RYR1: variants seen among roughly 807,000 people sequenced by gnomAD.
RYR1 encodes ryanodine receptor 1, also known as central core disease of muscle.
RYR1 carries 342 observed loss-of-function variants against 583.5 expected under a neutral mutation model. That is an observed-to-expected ratio of 0.59 (90% CI 0.54 to 0.64). The LOEUF is 0.64. Among genes scored for constraint, RYR1 ranks in the 30% least tolerant of loss-of-function variants. The pLI is 0.00. For missense variants in RYR1, 6,032 were observed against 6,917.2 expected (o/e 0.87, Z 4.54); for synonymous variants, 2,791 against 2,822.5 (o/e 0.99, Z 0.35).
rs753008033 is a variant in RYR1, at chr19:38,468,048, TCATC to T, written c.3381+279_3381+282del. 0.022 allele frequency among the ~76,000 whole-genome samples: 1,501 copies of T among 67,554 alleles called. 29 individuals are homozygous for T. Among genetic ancestry groups the T allele is most frequent in the African/African-American group, 0.064 (1,234 of 19,360 alleles). 44.3% of individuals were successfully genotyped at this position (67,554 alleles called of 152,430 possible). On this transcript the variant is annotated intron_variant, in intron 25 of 105. Coordinates refer to ENST00000359596, the MANE Select transcript of RYR1 (RefSeq NM_000540.3). ...ATTCATCCATCCATCCATCCATCCA[TCATC>T]CATCCATCCATCCATCCATCCATCC...
rs768065730 is a variant in RYR1, at chr19:38,527,704, C to T, written c.10744C>T (p.Arg3582Cys). 2 of 1,614,052 alleles carry T rather than the reference C, an allele frequency of 1.2e-6. No homozygotes were observed. The highest frequency in any genetic ancestry group is 1.1e-5 in the South Asian group (1 of 91,052). Residue 3582 changes from arginine to cysteine, a missense_variant, in exon 73 of 106, where the codon CGC (arginine) becomes TGC (cysteine). By Grantham distance (180) the Arg-to-Cys change is radical (BLOSUM62 -3). This residue lies in a region of RYR1 where 1,493 missense variants were observed against 1,715.5 expected (regional missense o/e 0.87). Coordinates refer to ENST00000359596, the MANE Select transcript of RYR1 (RefSeq NM_000540.3). Reference protein sequence around the residue: ...QMALYRGVPGREEDADDPEKI... With the variant: ...QMALYRGVPGCEEDADDPEKI... ...GGCTCTGTACCGGGGCGTCCCGGGT[C>T]GCGAGGAGGACGCCGATGACCCCGA...
chr19:38,523,301 A>G lies in RYR1; in HGVS notation c.10432A>G (p.Met3478Val). The change falls in exon 69 of 106, where the codon ATG becomes GTG. Residue 3478 changes from methionine (M) to valine (V), a missense_variant. By Grantham distance (21) the Met-to-Val change is conservative. This residue lies in a region of RYR1 where 1,493 missense variants were observed against 1,715.5 expected (regional missense o/e 0.87). Coordinates refer to ENST00000359596, the MANE Select transcript of RYR1 (RefSeq NM_000540.3). ...CCTGACTGCTGACAACAAAAGCAAA[A>G]TGGCTAAGGTCGGGGCTTGGTTCTG... ...SFLTADNKSKMAKAGDIQSGG... is the reference protein window; with the variant it reads ...SFLTADNKSKVAKAGDIQSGG... The G allele has an allele frequency of 6.2e-7, 1 of 1,614,104 alleles. No individual in the cohort carries two copies. Among genetic ancestry groups the G allele is most frequent in the Non-Finnish European group, 8.5e-7 (1 of 1,180,020 alleles).
chr19:38,577,523 A>G (rs1369026849), intron 97 of RYR1, among the ~76,000 whole-genome samples: 3 of 152,038 alleles, frequency 2.0e-5, no homozygotes, highest in Non-Finnish European at 4.4e-5. Context: ...TGGGCTGGGC[A>G]CGGTGGCTCA....
intron 31 of RYR1, among the ~76,000 whole-genome samples, chr19:38,478,940 A>G (rs1182130857): frequency 1.3e-5 from 2 of 152,094 alleles, no homozygotes. Context: ...GCTAAGTTTT[A>G]TGTTTTTAGT....
At position 38,478,488 on chromosome 19, in the gene RYR1, G is replaced by T; in HGVS notation, c.4508G>T (p.Gly1503Val). 1 of 1,614,148 alleles carries T rather than the reference G, an allele frequency of 6.2e-7. No homozygotes were observed. Among genetic ancestry groups the T allele is most frequent in the Non-Finnish European group, 8.5e-7 (1 of 1,180,032 alleles). The change falls in exon 31 of 106, where the codon GGG becomes GTG. Residue 1503 changes from glycine to valine, a missense_variant. By Grantham distance (109) the Gly-to-Val change is moderately radical. This residue lies in a region of RYR1 where 2,627 missense variants were observed against 2,961.3 expected (regional missense o/e 0.89). Coordinates refer to ENST00000359596, the MANE Select transcript of RYR1 (RefSeq NM_000540.3). ...TGGGGCGGAGACTTTGTGAGTCCCGGGCAGCAGGGCCGGATCAGCCACACG... is the reference window on the plus strand; with the variant it reads ...TGGGGCGGAGACTTTGTGAGTCCCGTGCAGCAGGGCCGGATCAGCCACACG... ...MVWGGDFVSP[G>V]QQGRISHTDL... is the part of the protein sequence containing the mutation.
rs987637427 is a variant in RYR1 at position 38,567,096 on chromosome 19, G to A, written c.13514+109G>A. On this transcript the variant is annotated intron_variant, in intron 92 of 105. Coordinates refer to ENST00000359596, the MANE Select transcript of RYR1 (RefSeq NM_000540.3). ...GCTGTCCTGGCCACCCTGTGTCCTCGGCATCACCCAGCCCAGACTCAGGCA... is the reference window on the plus strand; with the variant it reads ...GCTGTCCTGGCCACCCTGTGTCCTCAGCATCACCCAGCCCAGACTCAGGCA... The A allele has an allele frequency of 2.6e-5, 40 of 1,524,268 alleles. No individual in the cohort carries two copies. In the East Asian group the frequency reaches 7.4e-4, roughly 28 times the overall value. The allele number at this position is 1,524,268 out of a possible 1,614,324, so 94.4% of individuals were successfully genotyped here.
intron 64 of RYR1, 102 bp from the exon 65 acceptor site, chr19:38,515,985 C>T: frequency 7.1e-7 from 1 of 1,400,860 alleles, no homozygotes; most frequent in Non-Finnish European, 9.6e-7. Flanking sequence ...GCAGCTCTGT[C>T]CCAAAGGGTT....
intron 93 of RYR1, among the ~76,000 whole-genome samples, chr19:38,569,992 C>T (rs1321961454): frequency 2.0e-5 from 3 of 151,618 alleles, no homozygotes; most frequent in African/African-American, 7.3e-5. Context: ...GGTGAGACCC[C>T]GTCTCTACTG....
At chr19:38,579,163 G>T (rs1340867506) in intron 99 of RYR1, among the ~76,000 whole-genome samples, 1 of 151,460 alleles carries the variant, frequency 6.6e-6, no homozygotes, top group Non-Finnish European at 1.5e-5. Flanking sequence ...GCTCAGGCCT[G>T]TAATCCCAGC....
At position 38,483,655 on chromosome 19, in the gene RYR1, A is replaced by G. The variant is rs1969131341; in HGVS notation, c.4934+139A>G. ...GGAATCTCCAGACCTACCTCAGGGG[A>G]CTCGGGCTCAGCTCAGACATCCCCA... On this transcript the variant is annotated intron_variant, in intron 33 of 105. Coordinates refer to ENST00000359596, the MANE Select transcript of RYR1 (RefSeq NM_000540.3). The surrounding 1 kb of genome is among the most constrained non-coding windows in gnomAD (Gnocchi z 6.3). 5.4e-6 allele frequency: 4 copies of G among 746,648 alleles called. No homozygotes were observed. The highest frequency in any genetic ancestry group is 1.7e-5 in the South Asian group (1 of 59,284). 46.3% of individuals were successfully genotyped at this position (746,648 alleles called of 1,614,324 possible). A position where few individuals can be genotyped will look rare whatever the true frequency, so the allele number is the denominator to read the frequency against.
intron 55 of RYR1, 34 bp downstream of exon 55, chr19:38,506,411 G>T (rs755131919): frequency 5.6e-6 from 9 of 1,613,682 alleles, no homozygotes; most frequent in Non-Finnish European, 6.8e-6. Context: ...GGGACATAGG[G>T]TGTCTTTGGG....
At chr19:38,450,134 G>A (rs1157547678) in intron 11 of RYR1, among the ~76,000 whole-genome samples, 1 of 152,166 alleles carries the variant, frequency 6.6e-6, no homozygotes, top group Non-Finnish European at 1.5e-5. Context: ...GCTGTCTCTG[G>A]GAACAGACTA....
intron 70 of RYR1, 76 bp downstream of exon 70, chr19:38,524,005 C>A (rs1971348552): frequency 1.3e-6 from 2 of 1,549,240 alleles, no homozygotes; most frequent in Admixed American, 1.7e-5. Context: ...ACGCCCCCGC[C>A]TCGAGAAAAC....
At chr19:38,502,760 GGC>G (rs1568506143) in intron 48 of RYR1, 33 bp downstream of exon 48, 4 of 615,848 alleles carry the variant, frequency 6.5e-6, no homozygotes, top group Admixed American at 6.5e-5. Flanking sequence ...GTGGGGCAGG[GGC>G]AGGGGCAGGG....
chr19:38,446,650 C>G (rs1188572613), intron 8 of RYR1, 44 bp from the exon 9 acceptor site: 2 of 1,606,108 alleles, frequency 1.2e-6, no homozygotes, highest in South Asian at 1.1e-5. Flanking sequence ...GGACCAGATT[C>G]CGGGGAGCTG....
chr19:38,508,648 C>T (rs1344121932), intron 58 of RYR1, among the ~76,000 whole-genome samples: 4 of 152,156 alleles, frequency 2.6e-5, no homozygotes, highest in Non-Finnish European at 5.9e-5. Context: ...AAAGGAACAG[C>T]GAGTGCAAAG....
intron 88 of RYR1, among the ~76,000 whole-genome samples, chr19:38,547,530 A>G (rs1388958876): frequency 6.6e-6 from 1 of 151,858 alleles, no homozygotes; most frequent in African/African-American, 2.4e-5. Context: ...TTAGTTGTGT[A>G]AGCCCTGAGG....
intron 89 of RYR1, among the ~76,000 whole-genome samples, chr19:38,559,612 G>A (rs1973036235): frequency 6.6e-6 from 1 of 152,028 alleles, no homozygotes; most frequent in Admixed American, 6.6e-5. Context: ...GAGGGCAGAA[G>A]GTGAGGGGTT....
chr19:38,522,751 A>C (rs1385036157), intron 67 of RYR1, among the ~76,000 whole-genome samples: 2 of 152,050 alleles, frequency 1.3e-5, no homozygotes, highest in Non-Finnish European at 2.9e-5. Flanking sequence ...AGAGTTCAAG[A>C]CCAGCGTGCC....
Sources: allele counts gnomAD v4.1 joint callset (sites outside exome capture counted in the v4.1 genomes callset), GRCh38; gene constraint gnomAD v4.1.1; regional missense constraint gnomAD v4.1.1; non-coding constraint Gnocchi (gnomAD v3.1); transcripts MANE v1.5; gene names NCBI Gene and HGNC (gene_info 2026-07-23, HGNC 2026-07-21).